BMERB1: variants seen among roughly 807,000 people sequenced by gnomAD.
BMERB1 encodes bMERB domain-containing protein 1.
A neutral mutation model predicts 23.6 loss-of-function variants in BMERB1; 12 were observed. The observed-to-expected ratio is 0.51, with a 90% CI of 0.33 to 0.82. The LOEUF is 0.82. BMERB1 is among the 40% of genes least tolerant of loss of function. The pLI is 0.03. For missense variants in BMERB1, 247 were observed against 255.4 expected, an observed-to-expected ratio of 0.97 and a Z score of 0.22; for synonymous variants, 122 against 96.6, an observed-to-expected ratio of 1.26 and a Z score of -1.54.
intron 3 of BMERB1, among the ~76,000 whole-genome samples, chr16:15,571,060 C>A (rs1286518438): frequency 6.6e-6 from 1 of 150,844 alleles, no homozygotes; most frequent in Non-Finnish European, 1.5e-5. Context: ...GTATCTTGTG[C>A]CGACCTCCTA....
intron 3 of BMERB1, among the ~76,000 whole-genome samples, chr16:15,571,292 AGGAC>A (rs1275871763): frequency 1.3e-5 from 2 of 152,170 alleles, no homozygotes; most frequent in Non-Finnish European, 2.9e-5. Context: ...ATAAAGTCCC[AGGAC>A]CCCAATTCAC....
chr16:15,459,898 T>A (rs1192378854), intron 1 of BMERB1, among the ~76,000 whole-genome samples: 6 of 152,118 alleles, frequency 3.9e-5, no homozygotes, highest in Non-Finnish European at 8.8e-5. Flanking sequence ...GAGCTTCTGG[T>A]CTTTGGAATT....
intron 2 of BMERB1, among the ~76,000 whole-genome samples, chr16:15,559,613 G>A (rs553000209): frequency 6.0e-4 from 90 of 150,040 alleles, no homozygotes; most frequent in Middle Eastern, 3.4e-3. Context: ...TAAATGCTCC[G>A]TAAATGCTGA....
At chr16:15,583,612 A>C (rs2031070810) in intron 5 of BMERB1, among the ~76,000 whole-genome samples, 1 of 151,002 alleles carries the variant, frequency 6.6e-6, no homozygotes, top group Admixed American at 6.6e-5. Context: ...CATTTCAGAG[A>C]AGTCTGGGAG....
chr16:15,458,548 C>T (rs2051106602), intron 1 of BMERB1, among the ~76,000 whole-genome samples: 1 of 151,596 alleles, frequency 6.6e-6, no homozygotes, highest in African/African-American at 2.4e-5. Flanking sequence ...AACCCCATCT[C>T]TATAAACAAT....
intron 3 of BMERB1, among the ~76,000 whole-genome samples, chr16:15,578,829 T>G (rs1190051262): frequency 6.6e-6 from 1 of 152,204 alleles, no homozygotes; most frequent in East Asian, 1.9e-4. Flanking sequence ...CCTCATTTCT[T>G]AATACTATGA....
intron 1 of BMERB1, chr16:15,502,522 T>C (rs916043133): frequency 3.7e-5 from 27 of 725,908 alleles, no homozygotes; most frequent in Non-Finnish European, 6.3e-5. Context: ...CGGCTTCCCA[T>C]TACATTCACG....
chr16:15,450,766 C>T (rs923775223), intron 1 of BMERB1, among the ~76,000 whole-genome samples: 15 of 152,110 alleles, frequency 9.9e-5, no homozygotes, highest in African/African-American at 2.9e-4. Context: ...CCACCACGCC[C>T]GGCCATAGCT....
At chr16:15,453,964 C>T (rs978424606) in intron 1 of BMERB1, among the ~76,000 whole-genome samples, 2 of 152,106 alleles carry the variant, frequency 1.3e-5, no homozygotes, top group African/African-American at 4.8e-5. Context: ...TCCTCCCTTC[C>T]CCTTTCCTTC....
At chr16:15,503,585 A>G (rs1181498562) in intron 1 of BMERB1, among the ~76,000 whole-genome samples, 1 of 151,766 alleles carries the variant, frequency 6.6e-6, no homozygotes, top group African/African-American at 2.4e-5. Context: ...GGCATGAGCC[A>G]CCGCGCCCGG....
intron 2 of BMERB1, among the ~76,000 whole-genome samples, chr16:15,531,772 A>C (rs2051970276): frequency 6.6e-6 from 1 of 152,304 alleles, no homozygotes; most frequent in East Asian, 1.9e-4. Flanking sequence ...AAAGCTGCTG[A>C]TGTGAGTGGC....
chr16:15,540,283 T>C (rs2052066311), intron 2 of BMERB1, among the ~76,000 whole-genome samples: 3 of 152,072 alleles, frequency 2.0e-5, no homozygotes, highest in Non-Finnish European at 4.4e-5. Flanking sequence ...CCCAGCACTT[T>C]GGGAGGCTGA....
At chr16:15,567,728 A>G (rs2030614988) in intron 2 of BMERB1, among the ~76,000 whole-genome samples, 1 of 152,152 alleles carries the variant, frequency 6.6e-6, no homozygotes, top group Non-Finnish European at 1.5e-5. Context: ...ATGCCACTGC[A>G]CTCCAGCCTG....
At chr16:15,551,098 G>A (rs564792772) in intron 2 of BMERB1, among the ~76,000 whole-genome samples, 76 of 152,344 alleles carry the variant, frequency 5.0e-4, no homozygotes, top group African/African-American at 1.7e-3. Context: ...AGAATGCAAA[G>A]CAGTATCACT....
Position 15,434,857 on chromosome 16 carries a change from C to A in BMERB1, c.106+98C>A, listed in dbSNP as rs1161533612. On this transcript the variant is annotated intron_variant, in intron 1 of 5. Transcript: ENST00000300006. ...AGCGCGAGGAACGCCAGCAGTGGACCCAGGGAAGCGCCCCCGCAGCGGGGC... is the reference window on the plus strand; with the variant it reads ...AGCGCGAGGAACGCCAGCAGTGGACACAGGGAAGCGCCCCCGCAGCGGGGC... 13 of 1,018,884 alleles carry A rather than the reference C, an allele frequency of 1.3e-5. No homozygotes were observed. The South Asian group carries it at 2.0e-4, about 16-fold the overall frequency. The allele number at this position is 1,018,884 out of a possible 1,614,324, so 63.1% of individuals were successfully genotyped here.
At position 15,587,087 on chromosome 16, in the gene BMERB1, C is replaced by CGGCG; in HGVS notation, c.*258_*259insGGCG. The CGGCG allele has an allele frequency of 4.2e-6, 2 of 480,518 alleles. No individual in the cohort carries two copies. Among genetic ancestry groups the CGGCG allele is most frequent in the South Asian group, 3.2e-5 (1 of 30,844 alleles). The allele number at this position is 480,518 out of a possible 1,614,324, so 29.8% of individuals were successfully genotyped here. On this transcript the variant is annotated 3_prime_UTR_variant, in exon 6 of 6. Coordinates refer to ENST00000300006, the MANE Select transcript of BMERB1 (RefSeq NM_033201.3). ...GAGTCTGTCTCACTGTTTATCCAAA[C>CGGCG]ACCAGGAAAGGTCCTCCCTCAAAAA...
Position 15,555,974 on chromosome 16 carries a change from G to A in BMERB1, c.231-12009G>A, listed in dbSNP as rs138237154. Among the ~76,000 whole-genome samples the A allele has an allele frequency of 4.9e-4, 75 of 152,268 alleles. No individual in the cohort carries two copies. In the East Asian group the frequency reaches 0.013, roughly 27 times the overall value. ...GCGGGTGGATCACCTGAGGTCAGGA[G>A]TTCGAGACCAGCCTGGCCAACATAG... On this transcript the variant is annotated intron_variant, in intron 2 of 5. Coordinates refer to ENST00000300006, the MANE Select transcript of BMERB1 (RefSeq NM_033201.3).
chr16:15,539,339 G>T (rs2052056853), intron 2 of BMERB1, among the ~76,000 whole-genome samples: 1 of 152,076 alleles, frequency 6.6e-6, no homozygotes, highest in Non-Finnish European at 1.5e-5. Flanking sequence ...TGAGCATGGG[G>T]AGTGGCCGTA....
chr16:15,584,213 G>A (rs1041637426), intron 5 of BMERB1: 17 of 581,084 alleles, frequency 2.9e-5, no homozygotes, highest in East Asian at 8.7e-5. Context: ...TTGACCCAGC[G>A]TTTCTCAAAT....
Sources: gnomAD v4.1 joint callset for allele counts (sites outside exome capture counted in the v4.1 genomes callset) on GRCh38, gnomAD v4.1.1 for gene constraint, MANE v1.5 for transcripts, NCBI Gene and HGNC (gene_info 2026-07-23, HGNC 2026-07-21) for gene names.